The following PKNOX2 variants were observed in gnomAD, a reference collection of about 807,000 sequenced individuals.
PKNOX2 encodes the protein homeobox protein PKNOX2.
A neutral mutation model predicts 53.1 loss-of-function variants in PKNOX2; 14 were observed. That is an observed-to-expected ratio of 0.26 (90% CI 0.17 to 0.41). The LOEUF (loss-of-function observed/expected upper bound fraction) is 0.41, where lower values mean the gene tolerates loss of function less well. PKNOX2 is among the 10% of genes least tolerant of loss of function. The probability of loss-of-function intolerance (pLI) is 1.00; values close to 1 mark genes in which losing one functional copy is unlikely to be tolerated. For synonymous variants in PKNOX2, 257 were observed against 242.8 expected (o/e 1.06, Z -0.54); for missense variants, 496 against 602.8 (o/e 0.82, Z 1.85).
chr11:125,260,382 A>T (rs533301515), intron 2 of PKNOX2, among the ~76,000 whole-genome samples: 16 of 152,134 alleles, frequency 1.1e-4, no homozygotes, highest in African/African-American at 3.6e-4. Context: ...TATTTTTAGT[A>T]GAGACGGGGT....
chr11:125,225,317 G>A (rs758731678), intron 1 of PKNOX2, among the ~76,000 whole-genome samples: 3 of 152,188 alleles, frequency 2.0e-5, no homozygotes, highest in South Asian at 2.1e-4. Flanking sequence ...ATTGCTGTTC[G>A]TCATTGACCC....
rs12289208 is a variant in PKNOX2, at chr11:125,354,372, G to A, written c.87+2980G>A. Among the ~76,000 whole-genome samples, 3 of 152,138 alleles carry A rather than the reference G, an allele frequency of 2.0e-5. No homozygotes were observed. The East Asian group carries it at 5.8e-4, about 29-fold the overall frequency. ...TCCTTTAGGTCTAATCTCATTACTTGTGGACCACGTATGACTTGTTTCCTC... is the reference window on the plus strand; with the variant it reads ...TCCTTTAGGTCTAATCTCATTACTTATGGACCACGTATGACTTGTTTCCTC... On this transcript the variant is annotated intron_variant, in intron 4 of 12. Transcript: ENST00000298282.
At chr11:125,280,441 C>G (rs1294992481) in intron 2 of PKNOX2, among the ~76,000 whole-genome samples, 1 of 152,184 alleles carries the variant, frequency 6.6e-6, no homozygotes, top group Non-Finnish European at 1.5e-5. Flanking sequence ...GGAGAGGCTG[C>G]ACCTTCCCTA....
chr11:125,351,530 G>A (rs1357435995), intron 4 of PKNOX2, 138 bp downstream of exon 4: 5 of 632,186 alleles, frequency 7.9e-6, no homozygotes. Flanking sequence ...GTGGCACTCC[G>A]GGCTCTTTCC....
At chr11:125,390,759 T>C (rs1953999864) in intron 6 of PKNOX2, among the ~76,000 whole-genome samples, 1 of 152,254 alleles carries the variant, frequency 6.6e-6, no homozygotes, top group South Asian at 2.1e-4. Flanking sequence ...CCTTCCTCGG[T>C]ACCACTTCTT....
chr11:125,254,640 C>T (rs73619493), intron 2 of PKNOX2, among the ~76,000 whole-genome samples: 7,300 of 152,200 alleles, frequency 0.048, 599 homozygotes, highest in African/African-American at 0.17. Context: ...GGATCACAAC[C>T]GCATTGTGAC....
intron 4 of PKNOX2, among the ~76,000 whole-genome samples, chr11:125,358,784 C>T (rs1002095954): frequency 1.3e-5 from 2 of 152,220 alleles, no homozygotes; most frequent in Non-Finnish European, 2.9e-5. Context: ...ATCCCTGAGG[C>T]CTTTAACACA....
intron 1 of PKNOX2, among the ~76,000 whole-genome samples, chr11:125,169,241 A>G (rs1591466980): frequency 6.6e-6 from 1 of 152,302 alleles, no homozygotes; most frequent in South Asian, 2.1e-4. Context: ...ATCATCATGA[A>G]CCACCGTTAG....
rs1956733724 is a variant in PKNOX2, at chr11:125,432,241, A to T, written c.*849A>T. The T allele has an allele frequency of 1.4e-5, 2 of 140,786 alleles. No homozygotes were observed. The highest frequency in any genetic ancestry group is 4.4e-4 in the South Asian group (2 of 4,508). The allele number at this position is 140,786 out of a possible 1,614,324, so 8.7% of individuals were successfully genotyped here. On this transcript the variant is annotated 3_prime_UTR_variant, in exon 13 of 13. Transcript: ENST00000298282. ...CACAGAACTTAGCTCCTTTAACAACAGGACAATGGTTTTTTACCCTAGATG... is the reference window on the plus strand; with the variant it reads ...CACAGAACTTAGCTCCTTTAACAACTGGACAATGGTTTTTTACCCTAGATG...
intron 1 of PKNOX2, among the ~76,000 whole-genome samples, chr11:125,227,716 C>T (rs1030376578): frequency 3.9e-5 from 6 of 152,204 alleles, no homozygotes; most frequent in Non-Finnish European, 1.5e-5. Flanking sequence ...CTGCTTCAGT[C>T]GCCACTTTTG....
intron 10 of PKNOX2, among the ~76,000 whole-genome samples, chr11:125,416,278 G>A (rs2135585072): frequency 7.2e-6 from 1 of 138,662 alleles, no homozygotes; most frequent in South Asian, 2.4e-4. Flanking sequence ...ACTCCAGCCT[G>A]GGCGACAGAG....
chr11:125,427,377 A>G (rs752730256), intron 10 of PKNOX2, among the ~76,000 whole-genome samples: 7 of 152,174 alleles, frequency 4.6e-5, no homozygotes, highest in Non-Finnish European at 8.8e-5. Flanking sequence ...AATTAAAGCA[A>G]CACATGGTCC....
At chr11:125,189,489 A>ATG (rs1956734787) in intron 1 of PKNOX2, among the ~76,000 whole-genome samples, 1 of 129,796 alleles carries the variant, frequency 7.7e-6, no homozygotes, top group African/African-American at 2.9e-5. Flanking sequence ...ATATATATAT[A>ATG]TACAAAAGCA....
rs150777468 is a variant in PKNOX2 at position 125,321,431 on chromosome 11, T to C, written c.-129-10388T>C. The stretch of plus-strand genomic sequence containing the variant: ...TCCTGTATACTTTAAATCTCTAGAT[T>C]ACTTATAATACCTAATACAATGTAA... On this transcript the variant is annotated intron_variant, in intron 2 of 12. Transcript: ENST00000298282. 5.7e-4 allele frequency among the ~76,000 whole-genome samples: 87 copies of C among 152,358 alleles called. 1 individual carries two copies. The highest frequency in any genetic ancestry group is 2.0e-3 in the African/African-American group (85 of 41,588).
At chr11:125,377,954 G>A (rs975261548) in intron 5 of PKNOX2, among the ~76,000 whole-genome samples, 3 of 152,214 alleles carry the variant, frequency 2.0e-5, no homozygotes, top group Non-Finnish European at 2.9e-5. Flanking sequence ...AGCCTGGAGC[G>A]CCCATCTGCG....
At chr11:125,341,610 T>G (rs1950690254) in intron 3 of PKNOX2, among the ~76,000 whole-genome samples, 1 of 152,188 alleles carries the variant, frequency 6.6e-6, no homozygotes, top group Non-Finnish European at 1.5e-5. Flanking sequence ...GCATGATGAT[T>G]ATTCCCGCCT....
intron 1 of PKNOX2, among the ~76,000 whole-genome samples, chr11:125,200,338 G>C (rs1258944638): frequency 6.6e-6 from 1 of 152,184 alleles, no homozygotes; most frequent in Admixed American, 6.5e-5. Context: ...ACCTTAACTT[G>C]TGCCTCCCCA....
chr11:125,411,505 TCTCTC>T (rs1955532853), intron 9 of PKNOX2: 8 of 414,088 alleles, frequency 1.9e-5, no homozygotes, highest in Non-Finnish European at 3.2e-5. Context: ...TCTCTCTCTC[TCTCTC>T]CCCCCCTTCC....
At chr11:125,392,644 T>C (rs990156883) in intron 6 of PKNOX2, among the ~76,000 whole-genome samples, 1 of 152,246 alleles carries the variant, frequency 6.6e-6, no homozygotes, top group Non-Finnish European at 1.5e-5. Context: ...TATTTTACTT[T>C]TGTTTTACTT....
Sources: allele counts gnomAD v4.1 joint callset (sites outside exome capture counted in the v4.1 genomes callset), GRCh38; gene constraint gnomAD v4.1.1; transcripts MANE v1.5; gene names NCBI Gene and HGNC (gene_info 2026-07-23, HGNC 2026-07-21).